GBE1: variants seen among roughly 807,000 people sequenced by gnomAD.
GBE1 encodes 1,4-alpha-glucan-branching enzyme.
Under a neutral mutation model 88.8 loss-of-function variants are expected in GBE1, and 70 were observed. The observed-to-expected ratio is 0.79, with a 90% CI of 0.65 to 0.96. The LOEUF (loss-of-function observed/expected upper bound fraction) is 0.96, where lower values mean the gene tolerates loss of function less well. GBE1 is among the 40% of genes least tolerant of loss of function. The probability of loss-of-function intolerance (pLI) is 0.00; values close to 1 mark genes in which losing one functional copy is unlikely to be tolerated. For synonymous variants in GBE1, 284 were observed against 300.1 expected (o/e 0.95, Z 0.56); for missense variants, 872 against 871.0 (o/e 1.00, Z -0.01).
chr3:81,563,307 G>A (rs1048101205), intron 12 of GBE1, among the ~76,000 whole-genome samples: 4 of 152,200 alleles, frequency 2.6e-5, no homozygotes, highest in South Asian at 2.1e-4. Flanking sequence ...TTAGAAAGGC[G>A]AGAATTAGTG....
In GBE1 at chr3:81,737,346, TATAA is replaced by T. The variant is rs1207977222; in HGVS notation, c.143+24025_143+24028del. Among the ~76,000 whole-genome samples the T allele has an allele frequency of 2.0e-4, 23 of 112,872 alleles. 2 individuals carry two copies. Among genetic ancestry groups the T allele is most frequent in the African/African-American group, 5.0e-4 (12 of 23,850 alleles). The allele number at this position is 112,872 out of a possible 152,430, so 74.0% of individuals were successfully genotyped here. On this transcript the variant is annotated intron_variant, in intron 1 of 15. Coordinates refer to ENST00000429644, the MANE Select transcript of GBE1 (RefSeq NM_000158.4). ...TTATATATATTTTTATATATATTTA[TATAA>T]ATATATATTTATATATTTATATATA... is the stretch of plus-strand genomic sequence containing the variant.
At chr3:81,737,177 C>A (rs373496976) in intron 1 of GBE1, among the ~76,000 whole-genome samples, 24 of 149,364 alleles carry the variant, frequency 1.6e-4, no homozygotes, top group Middle Eastern at 6.9e-3. Context: ...GTAATCTCCA[C>A]GTGTAAATCA....
chr3:81,636,198 G>T (rs1344298470), intron 7 of GBE1, among the ~76,000 whole-genome samples: 8 of 152,164 alleles, frequency 5.3e-5, no homozygotes, highest in Non-Finnish European at 1.0e-4. Flanking sequence ...TTACAGAAGA[G>T]AATTAGTCTG....
At chr3:81,523,857 C>A (rs79012503) in intron 14 of GBE1, among the ~76,000 whole-genome samples, 228 of 151,844 alleles carry the variant, frequency 1.5e-3, no homozygotes, top group African/African-American at 5.3e-3. Flanking sequence ...GAATAGTATT[C>A]CGTTGTGTAT....
chr3:81,691,445 A>G (rs556558397), intron 2 of GBE1, among the ~76,000 whole-genome samples: 33 of 152,142 alleles, frequency 2.2e-4, no homozygotes, highest in African/African-American at 6.8e-4. Flanking sequence ...AGTCAGCATG[A>G]CCTAATCATA....
chr3:81,560,941 A>G (rs1051485764), intron 12 of GBE1, among the ~76,000 whole-genome samples: 3 of 151,972 alleles, frequency 2.0e-5, no homozygotes, highest in African/African-American at 7.2e-5. Flanking sequence ...TATGGTTTTA[A>G]AAGCTATAGT....
intron 2 of GBE1, among the ~76,000 whole-genome samples, chr3:81,691,746 C>T (rs1051904552): frequency 1.9e-4 from 29 of 152,050 alleles, no homozygotes; most frequent in African/African-American, 7.0e-4. Context: ...GTACACCTTC[C>T]TAGGTGACAG....
At chr3:81,746,907 T>C (rs1034179602) in intron 1 of GBE1, among the ~76,000 whole-genome samples, 1 of 152,168 alleles carries the variant, frequency 6.6e-6, no homozygotes, top group African/African-American at 2.4e-5. Flanking sequence ...ACCTATAATA[T>C]GTGTAAAAAT....
intron 1 of GBE1, among the ~76,000 whole-genome samples, chr3:81,728,677 C>T (rs1706144364): frequency 6.6e-6 from 1 of 151,450 alleles, no homozygotes; most frequent in Admixed American, 6.6e-5. Context: ...GAAAAAAGGA[C>T]AAGAAGAAAA....
intron 14 of GBE1, among the ~76,000 whole-genome samples, chr3:81,506,011 G>A (rs1489791944): frequency 2.6e-5 from 4 of 152,084 alleles, no homozygotes; most frequent in African/African-American, 4.8e-5. Context: ...GGACACAGGC[G>A]AGGGCAAAGA....
At chr3:81,627,089 T>C (rs1181651294) in intron 7 of GBE1, among the ~76,000 whole-genome samples, 2 of 152,176 alleles carry the variant, frequency 1.3e-5, no homozygotes, top group South Asian at 4.1e-4. Flanking sequence ...TGAAACACCA[T>C]TTTCTATATC....
chr3:81,573,105 CATA>C (rs1703597083), intron 12 of GBE1, among the ~76,000 whole-genome samples: 1 of 151,650 alleles, frequency 6.6e-6, no homozygotes, highest in Non-Finnish European at 1.5e-5. Flanking sequence ...AAAAATAAAC[CATA>C]ATGTCACATA....
intron 1 of GBE1, among the ~76,000 whole-genome samples, chr3:81,756,864 T>C (rs1173458229): frequency 6.6e-6 from 1 of 152,192 alleles, no homozygotes; most frequent in Non-Finnish European, 1.5e-5. Context: ...TTCCAGCTGA[T>C]ACTCAAACAT....
chr3:81,514,578 AAC>A (rs1255164115), intron 14 of GBE1, among the ~76,000 whole-genome samples: 1 of 151,652 alleles, frequency 6.6e-6, no homozygotes, highest in East Asian at 1.9e-4. Context: ...TGCTTCCAAG[AAC>A]ACACTGTTTT....
chr3:81,700,075 T>C (rs1705664802), intron 2 of GBE1, among the ~76,000 whole-genome samples: 2 of 152,214 alleles, frequency 1.3e-5, no homozygotes, highest in Non-Finnish European at 2.9e-5. Flanking sequence ...TAACCTGTAT[T>C]CTGGAGTGAA....
chr3:81,612,868 A>G, intron 7 of GBE1: 2 of 405,528 alleles, frequency 4.9e-6, no homozygotes, highest in Non-Finnish European at 9.5e-6. Flanking sequence ...ATCAAAGACA[A>G]TATTTGGCCA....
At chr3:81,754,614 G>T (rs1706577240) in intron 1 of GBE1, among the ~76,000 whole-genome samples, 1 of 151,662 alleles carries the variant, frequency 6.6e-6, no homozygotes, top group Admixed American at 6.6e-5. Context: ...CATGGTACTG[G>T]CATAAAAACA....
At chr3:81,629,082 G>A (rs1704466964) in intron 7 of GBE1, among the ~76,000 whole-genome samples, 1 of 136,422 alleles carries the variant, frequency 7.3e-6, no homozygotes, top group Non-Finnish European at 1.5e-5. Flanking sequence ...CATTGTGCAG[G>A]TTAGTTACAT....
chr3:81,540,798 T>C (rs889087697), intron 12 of GBE1, among the ~76,000 whole-genome samples: 18 of 152,066 alleles, frequency 1.2e-4, no homozygotes, highest in African/African-American at 3.9e-4. Context: ...GTAAATCAGA[T>C]TACTATGTTA....
Sources: allele counts gnomAD v4.1 joint callset (sites outside exome capture counted in the v4.1 genomes callset), GRCh38; gene constraint gnomAD v4.1.1; transcripts MANE v1.5; gene names NCBI Gene and HGNC (gene_info 2026-07-23, HGNC 2026-07-21).